Variants in CNIH3 observed in about 807,000 individuals in gnomAD.
CNIH3 encodes cornichon family AMPA receptor auxiliary protein 3, also known as protein cornichon homolog 3.
A neutral mutation model predicts 24.1 loss-of-function variants in CNIH3; 14 were observed. That is an observed-to-expected ratio of 0.58 (90% confidence interval 0.38 to 0.91). The LOEUF is 0.91. CNIH3 is among the 40% of genes least tolerant of loss of function. The pLI, the probability that CNIH3 is intolerant of heterozygous loss-of-function variation, is 0.00. For missense variants in CNIH3, 178 were observed against 196.8 expected (o/e 0.90, Z 0.57); for synonymous variants, 68 against 73.8 (o/e 0.92, Z 0.40).
intron 3 of CNIH3, among the ~76,000 whole-genome samples, chr1:224,608,959 C>T (rs1463982660): frequency 6.6e-6 from 1 of 152,224 alleles, no homozygotes; most frequent in Non-Finnish European, 1.5e-5. Flanking sequence ...CTCCTGAAAT[C>T]TTATTGGGAA....
intron 1 of CNIH3, among the ~76,000 whole-genome samples, chr1:224,455,329 G>A (rs1169664667): frequency 1.3e-5 from 2 of 152,064 alleles, no homozygotes; most frequent in Admixed American, 1.3e-4. Context: ...GTGAGGTGGG[G>A]GCCTGAATCC....
chr1:224,443,865 G>T (rs1254314734), intron 1 of CNIH3, among the ~76,000 whole-genome samples: 2 of 152,134 alleles, frequency 1.3e-5, no homozygotes, highest in Non-Finnish European at 2.9e-5. Context: ...TAGGGATTCA[G>T]TGTTTATGGA....
intron 4 of CNIH3, among the ~76,000 whole-genome samples, chr1:224,732,278 C>G (rs1370206101): frequency 6.6e-6 from 1 of 152,122 alleles, no homozygotes; most frequent in Admixed American, 6.5e-5. Context: ...GAGAAAGCCT[C>G]TAGGCTGCGT....
At chr1:224,534,332 T>C (rs1679197605) in intron 2 of CNIH3, among the ~76,000 whole-genome samples, 1 of 152,168 alleles carries the variant, frequency 6.6e-6, no homozygotes, top group South Asian at 2.1e-4. Flanking sequence ...GAGTCTGAAA[T>C]GTCTGGTGGA....
At chr1:224,640,912 G>A (rs1684326940) in intron 1 of CNIH3, among the ~76,000 whole-genome samples, 1 of 152,216 alleles carries the variant, frequency 6.6e-6, no homozygotes, top group Non-Finnish European at 1.5e-5. Flanking sequence ...ATCTAAAGGT[G>A]AGGGAGGAAG....
intron 3 of CNIH3, among the ~76,000 whole-genome samples, chr1:224,698,152 T>G (rs1687275991): frequency 6.6e-6 from 1 of 152,158 alleles, no homozygotes; most frequent in Non-Finnish European, 1.5e-5. Context: ...ACACAACTCA[T>G]GGAGTTTTGT....
At chr1:224,503,040 G>A (rs1198211803) in intron 1 of CNIH3, among the ~76,000 whole-genome samples, 16 of 151,242 alleles carry the variant, frequency 1.1e-4, no homozygotes, top group Non-Finnish European at 2.1e-4. Context: ...CTCTCCCGGG[G>A]AGGGAGGGAG....
chr1:224,683,583 T>C (rs1686506027), intron 2 of CNIH3, among the ~76,000 whole-genome samples: 1 of 152,218 alleles, frequency 6.6e-6, no homozygotes, highest in Non-Finnish European at 1.5e-5. Context: ...CGTCTCTCAA[T>C]GAGGGCATGA....
intron 5 of CNIH3, among the ~76,000 whole-genome samples, chr1:224,588,064 C>A (rs1391677797): frequency 6.6e-6 from 1 of 152,126 alleles, no homozygotes; most frequent in Non-Finnish European, 1.5e-5. Context: ...AATGTCAACT[C>A]CCATCTCACC....
intron 3 of CNIH3, among the ~76,000 whole-genome samples, chr1:224,602,530 A>C (rs1176695454): frequency 6.6e-6 from 1 of 152,212 alleles, no homozygotes; most frequent in Admixed American, 6.5e-5. Context: ...AAGAATATGT[A>C]AGTTGTCTGG....
intron 1 of CNIH3, among the ~76,000 whole-genome samples, chr1:224,624,501 T>C (rs1051514860): frequency 6.6e-6 from 1 of 152,128 alleles, no homozygotes; most frequent in African/African-American, 2.4e-5. Context: ...GTGGGTTTAG[T>C]CTTCACCCAG....
At chr1:224,477,807 C>T (rs930259813) in intron 1 of CNIH3, among the ~76,000 whole-genome samples, 11 of 152,162 alleles carry the variant, frequency 7.2e-5, no homozygotes, top group Admixed American at 6.5e-4. Context: ...CTTTTCCTTT[C>T]AGGCTGCAGA....
chr1:224,477,773 T>A (rs1276637466), intron 1 of CNIH3, among the ~76,000 whole-genome samples: 4 of 152,232 alleles, frequency 2.6e-5, no homozygotes, highest in African/African-American at 4.8e-5. Context: ...TACCTTCAGA[T>A]AATTTCTTAT....
chr1:224,458,793 C>T lies in CNIH3; in HGVS notation n.203+23931C>T, dbSNP rs1215999547. On this transcript the variant is annotated intron_variant and non_coding_transcript_variant, in intron 1 of 5. Transcript: ENST00000471578. This position sits in a 1 kb window ranked among gnomAD's most constrained non-coding sequence, Gnocchi z 4.3. ...GTAGCTGAGTGCTCAGAGGAAGATG[C>T]GAGGTATTCAGGGAAAGTGTCAGTG... Among the ~76,000 whole-genome samples the T allele has an allele frequency of 2.6e-5, 4 of 152,226 alleles. No homozygotes were observed. Among genetic ancestry groups the T allele is most frequent in the Non-Finnish European group, 5.9e-5 (4 of 68,020 alleles).
intron 1 of CNIH3, among the ~76,000 whole-genome samples, chr1:224,454,985 A>G (rs1362109831): frequency 6.6e-6 from 1 of 152,194 alleles, no homozygotes; most frequent in African/African-American, 2.4e-5. Flanking sequence ...TTTGTATCTC[A>G]ATAAACCCAT....
At chr1:224,683,426 T>G (rs766506448) in intron 2 of CNIH3, among the ~76,000 whole-genome samples, 3 of 152,220 alleles carry the variant, frequency 2.0e-5, no homozygotes, top group Non-Finnish European at 4.4e-5. Flanking sequence ...GATGCCTCAT[T>G]TAACTCTTCT....
At chr1:224,731,458 AT>A (rs1276414242) in intron 4 of CNIH3, among the ~76,000 whole-genome samples, 16 of 152,146 alleles carry the variant, frequency 1.1e-4, no homozygotes, top group Admixed American at 1.1e-3. Context: ...TAGAGAAGGT[AT>A]TTGCGCAGAT....
chr1:224,543,465 T>C (rs1376051412), intron 2 of CNIH3, among the ~76,000 whole-genome samples: 3 of 152,176 alleles, frequency 2.0e-5, no homozygotes, highest in Admixed American at 6.5e-5. Flanking sequence ...TTGTAGCTAG[T>C]TGGTCAGAAG....
At chr1:224,548,450 A>G (rs1679787347) in intron 3 of CNIH3, among the ~76,000 whole-genome samples, 1 of 151,700 alleles carries the variant, frequency 6.6e-6, no homozygotes, top group Non-Finnish European at 1.5e-5. Context: ...TATTTGTAAT[A>G]TATAGGGGAG....
Sources: gnomAD v4.1 joint callset for allele counts (sites outside exome capture counted in the v4.1 genomes callset) on GRCh38, gnomAD v4.1.1 for gene constraint, Gnocchi (gnomAD v3.1) non-coding constraint, MANE v1.5 for transcripts, NCBI Gene and HGNC (gene_info 2026-07-23, HGNC 2026-07-21) for gene names.